ABCB11: variants seen among roughly 807,000 people sequenced by gnomAD.
ABCB11 encodes bile salt export pump.
A neutral mutation model predicts 148.0 loss-of-function variants in ABCB11; 95 were observed. The observed-to-expected ratio is 0.64, with a 90% CI of 0.54 to 0.76. The LOEUF is 0.76. Ranked by LOEUF, ABCB11 falls within the 30% of genes least tolerant of loss-of-function variation. ABCB11 has a pLI of 0.00. For missense variants in ABCB11, 1,523 were observed against 1,617.8 expected, an observed-to-expected ratio of 0.94 and a Z score of 1.01; for synonymous variants, 591 against 555.4, an observed-to-expected ratio of 1.06 and a Z score of -0.90.
chr2:169,013,809 T>C lies in ABCB11; in HGVS notation c.151-299A>G, dbSNP rs563471712. On this transcript the variant is annotated intron_variant, in intron 4 of 27. Transcript: ENST00000650372. ...TCGTTTTTAGCTACTCATCTACAACTTAGGGGAAAATAATCACTGTCATTG... is the reference window on the plus strand; with the variant it reads ...TCGTTTTTAGCTACTCATCTACAACCTAGGGGAAAATAATCACTGTCATTG... Among the ~76,000 whole-genome samples the C allele has an allele frequency of 5.3e-5, 8 of 152,304 alleles. No individual in the cohort carries two copies. In the South Asian group the frequency reaches 1.0e-3, roughly 20 times the overall value.
At chr2:168,938,020 A>G (rs1691905082) in intron 21 of ABCB11, among the ~76,000 whole-genome samples, 1 of 152,028 alleles carries the variant, frequency 6.6e-6, no homozygotes, top group African/African-American at 2.4e-5. Context: ...AAAATTGTAG[A>G]AACACATTTT....
At chr2:168,916,993 C>G (rs1272387967), downstream of ABCB11, among the ~76,000 whole-genome samples, 1 of 152,094 alleles carries the variant, frequency 6.6e-6, no homozygotes, top group Non-Finnish European at 1.5e-5. Context: ...ATATGGCAAA[C>G]TATACCTAAT....
intron 5 of ABCB11, among the ~76,000 whole-genome samples, chr2:169,003,349 C>CAT (rs772569568): frequency 1.4e-3 from 173 of 119,606 alleles, no homozygotes; most frequent in Admixed American, 2.1e-3. Flanking sequence ...TGTGTGTGTG[C>CAT]ATATATATAT....
At position 168,974,205 on chromosome 2, in the gene ABCB11, G is replaced by GA. The variant is rs148409147; in HGVS notation, c.1309-366dup. Among the ~76,000 whole-genome samples the GA allele has an allele frequency of 4.4e-3, 673 of 151,740 alleles. 6 individuals are homozygous for GA. Among genetic ancestry groups the GA allele is most frequent in the African/African-American group, 0.015 (631 of 41,402 alleles). ...AAGGAGACTATGCCAATTAGTTAAA[G>GA]AAAAAAAATCCATTAAGTTAGAAAT... On this transcript the variant is annotated intron_variant, in intron 12 of 27. Transcript: ENST00000650372.
At chr2:168,929,447 T>C (rs1691468414) in intron 25 of ABCB11, among the ~76,000 whole-genome samples, 1 of 152,138 alleles carries the variant, frequency 6.6e-6, no homozygotes. Context: ...AAAAATATAA[T>C]GTAAATGTAA....
chr2:168,992,015 T>A (rs75698859), intron 8 of ABCB11, among the ~76,000 whole-genome samples: 6,322 of 132,536 alleles, frequency 0.048, 424 homozygotes, highest in African/African-American at 0.17. Flanking sequence ...TTAAAAAAAA[T>A]TTTTTTTTTT....
chr2:169,029,133 T>A (rs1160221598), intron 1 of ABCB11, among the ~76,000 whole-genome samples: 1 of 152,090 alleles, frequency 6.6e-6, no homozygotes, highest in Non-Finnish European at 1.5e-5. Flanking sequence ...TTTTCTCTTG[T>A]GAAGTCTTGC....
chr2:169,000,800 T>C (rs907740848), intron 5 of ABCB11, among the ~76,000 whole-genome samples: 1 of 152,188 alleles, frequency 6.6e-6, no homozygotes. Flanking sequence ...ATCTTTTCTA[T>C]ATCTACAAAA....
At chr2:168,942,707 A>G (rs575238728) in intron 21 of ABCB11, among the ~76,000 whole-genome samples, 16 of 151,846 alleles carry the variant, frequency 1.1e-4, no homozygotes, top group Admixed American at 3.3e-4. Flanking sequence ...TTGTATCAAA[A>G]CCTCTCATGT....
intron 5 of ABCB11, among the ~76,000 whole-genome samples, chr2:169,010,383 A>T (rs751884046): frequency 1.3e-5 from 2 of 152,198 alleles, no homozygotes; most frequent in Non-Finnish European, 2.9e-5. Flanking sequence ...TGTAATCCTT[A>T]TCAGTGTAAT....
chr2:168,970,392 T>C (rs751653127), intron 14 of ABCB11, 177 bp from the exon 15 acceptor site: 7 of 1,483,924 alleles, frequency 4.7e-6, no homozygotes, highest in Non-Finnish European at 6.4e-6. Context: ...TCAATATTTA[T>C]GTGTGAAATA....
At chr2:168,995,160 G>A (rs13432949) in intron 7 of ABCB11, among the ~76,000 whole-genome samples, 189 bp downstream of exon 7, 2 of 151,808 alleles carry the variant, frequency 1.3e-5, no homozygotes, top group Admixed American at 1.3e-4. Flanking sequence ...AGTACCTTGG[G>A]TTTCAATTTT....
At position 168,958,067 on chromosome 2, in the gene ABCB11, A is replaced by G. The variant is rs1361857449; in HGVS notation, c.2240T>C (p.Phe747Ser). 6.2e-7 allele frequency: 1 copy of G among 1,611,414 alleles called. No homozygotes were observed. The highest frequency in any genetic ancestry group is 8.5e-7 in the Non-Finnish European group (1 of 1,178,292). ...CATGTAGGGCCATTCTGGAGCACTG[A>G]ATTTCAGAATCCTCCTAACTGGGGC... The part of the protein sequence containing the change: ...EPAPVRRILK[F>S]SAPEWPYMLV... Residue 747 changes from phenylalanine (F) to serine (S), a missense_variant, in exon 19 of 28, where the codon TTC becomes TCC. Coordinates refer to ENST00000650372, the MANE Select transcript of ABCB11 (RefSeq NM_003742.4).
chr2:169,020,975 T>C (rs73024742), intron 1 of ABCB11, among the ~76,000 whole-genome samples: 3,614 of 152,158 alleles, frequency 0.024, 70 homozygotes, highest in African/African-American at 0.041. Flanking sequence ...CTTTTTTTTT[T>C]TTTCTGAGAC....
Position 168,958,126 on chromosome 2 carries a change from G to T in ABCB11, c.2181C>A (p.Asp727Glu), listed in dbSNP as rs776427051. ...HKSTYEEDRKDKDIPVQEEVE... is the reference protein window; with the variant it reads ...HKSTYEEDRKEKDIPVQEEVE... ...CTTCTTCCTGCACAGGAATGTCCTT[G>T]TCCTTGAGCAGAGAGAGGGTTATAT... The change falls in exon 19 of 28, where the codon GAC becomes GAA. Residue 727 changes from aspartate to glutamate, a missense_variant and splice_region_variant. Coordinates refer to ENST00000650372, the MANE Select transcript of ABCB11 (RefSeq NM_003742.4). 2 of 1,610,628 alleles carry T rather than the reference G, an allele frequency of 1.2e-6. No homozygotes were observed. Among genetic ancestry groups the T allele is most frequent in the East Asian group, 4.5e-5 (2 of 44,752 alleles).
intron 1 of ABCB11, among the ~76,000 whole-genome samples, chr2:169,026,835 AGT>A (rs953310741): frequency 2.6e-4 from 39 of 152,110 alleles, no homozygotes; most frequent in South Asian, 8.3e-4. Flanking sequence ...GGTTCTTGAG[AGT>A]GTACCTCCTC....
intron 19 of ABCB11, among the ~76,000 whole-genome samples, chr2:168,947,018 C>A (rs1692353661): frequency 6.6e-6 from 1 of 151,796 alleles, no homozygotes; most frequent in Non-Finnish European, 1.5e-5. Flanking sequence ...TGAAATGCAA[C>A]TCCAAGGGCT....
intron 8 of ABCB11, among the ~76,000 whole-genome samples, chr2:168,991,188 G>T (rs575137377): frequency 1.4e-4 from 22 of 152,236 alleles, no homozygotes; most frequent in Middle Eastern, 6.8e-3. Flanking sequence ...AGGACATTCT[G>T]TAAGACTAAA....
At chr2:168,970,301 G>C in intron 14 of ABCB11, 86 bp from the exon 15 acceptor site, 1 of 1,550,774 alleles carries the variant, frequency 6.4e-7, no homozygotes, top group Non-Finnish European at 8.7e-7. Flanking sequence ...TTCTGTCATA[G>C]TTTTCTTCTC....
Sources: gnomAD v4.1 joint callset for allele counts (sites outside exome capture counted in the v4.1 genomes callset) on GRCh38, gnomAD v4.1.1 for gene constraint, MANE v1.5 for transcripts, NCBI Gene and HGNC (gene_info 2026-07-23, HGNC 2026-07-21) for gene names.